Variants in BACE2 observed in about 807,000 individuals in gnomAD.
BACE2 encodes beta-secretase 2.
Under a neutral mutation model 46.2 loss-of-function variants are expected in BACE2, and 17 were observed. The observed-to-expected ratio is 0.37, with a 90% confidence interval of 0.25 to 0.55. The LOEUF is 0.55. BACE2 is among the 20% of genes least tolerant of loss of function. The pLI, the probability that BACE2 is intolerant of heterozygous loss-of-function variation, is 0.82. For synonymous variants in BACE2, 277 were observed against 295.9 expected, an observed-to-expected ratio of 0.94 and a Z score of 0.66; for missense variants, 595 against 698.1, an observed-to-expected ratio of 0.85 and a Z score of 1.66.
chr21:41,178,806 CAG>C (rs544147163), intron 1 of BACE2: 2 of 227,430 alleles, frequency 8.8e-6, no homozygotes, highest in East Asian at 1.1e-4. Context: ...GTCAACTAGA[CAG>C]AGAGAGTCTT....
chr21:41,249,457 G>A (rs1987575755), intron 6 of BACE2, among the ~76,000 whole-genome samples: 1 of 152,212 alleles, frequency 6.6e-6, no homozygotes, highest in Admixed American at 6.5e-5. Flanking sequence ...TCGATGTGCT[G>A]CAGAGCTCAG....
At chr21:41,235,301 C>T (rs1987084754) in intron 2 of BACE2, among the ~76,000 whole-genome samples, 1 of 152,114 alleles carries the variant, frequency 6.6e-6, no homozygotes, top group Non-Finnish European at 1.5e-5. Flanking sequence ...AAACATTTTT[C>T]CCTTGGCACA....
At chr21:41,265,666 T>C (rs1459479312) in intron 8 of BACE2, among the ~76,000 whole-genome samples, 1 of 152,238 alleles carries the variant, frequency 6.6e-6, no homozygotes, top group African/African-American at 2.4e-5. Context: ...TTTGTATTAA[T>C]TTGTAGGAAC....
chr21:41,222,139 G>C (rs1232531293), intron 1 of BACE2, among the ~76,000 whole-genome samples: 1 of 152,228 alleles, frequency 6.6e-6, no homozygotes, highest in East Asian at 1.9e-4. Context: ...TTGCATCTGT[G>C]ACGTGGAGTG....
chr21:41,184,952 T>G (rs1985317067), intron 1 of BACE2: 1 of 167,060 alleles, frequency 6.0e-6, no homozygotes, highest in Non-Finnish European at 1.5e-5. Context: ...GCCAGATATA[T>G]TCGTCATCTA....
intron 7 of BACE2, among the ~76,000 whole-genome samples, chr21:41,255,929 C>T (rs1987774956): frequency 6.6e-6 from 1 of 152,300 alleles, no homozygotes; most frequent in South Asian, 2.1e-4. Context: ...AAATATATTT[C>T]CTTTTCATAT....
At chr21:41,186,874 A>G (rs921936808) in intron 1 of BACE2, 2 of 152,228 alleles carry the variant, frequency 1.3e-5, no homozygotes, top group African/African-American at 4.8e-5. Flanking sequence ...TACTTCTAGG[A>G]TGAGGGTGGT....
chr21:41,269,526 C>T (rs2088414601), intron 8 of BACE2, among the ~76,000 whole-genome samples: 1 of 152,154 alleles, frequency 6.6e-6, no homozygotes, highest in Admixed American at 6.5e-5. Flanking sequence ...CCCAGGAAAC[C>T]ACTGACGTGC....
chr21:41,227,195 G>T (rs1986844530), intron 2 of BACE2, among the ~76,000 whole-genome samples: 1 of 152,194 alleles, frequency 6.6e-6, no homozygotes, highest in African/African-American at 2.4e-5. Flanking sequence ...AGACAGCCAG[G>T]TAAATTTAAA....
Position 41,223,579 on chromosome 21 carries a change from G to A in BACE2, c.313-2687G>A, listed in dbSNP as rs56828093. Among the ~76,000 whole-genome samples, 495 of 152,220 alleles carry A rather than the reference G, an allele frequency of 3.3e-3. 1 individual carries two copies. Among genetic ancestry groups the A allele is most frequent in the African/African-American group, 0.011 (457 of 41,546 alleles). On this transcript the variant is annotated intron_variant, in intron 1 of 8. Transcript: ENST00000330333. Reference sequence around the variant, plus strand: ...GGCACCCCCCGTGTGTCTGCTTTCCGTGCATTTTCGTCTCCCTGGAAGGAC... The same window carrying A: ...GGCACCCCCCGTGTGTCTGCTTTCCATGCATTTTCGTCTCCCTGGAAGGAC...
intron 6 of BACE2, among the ~76,000 whole-genome samples, chr21:41,248,796 C>T (rs1346215279): frequency 2.0e-5 from 3 of 152,186 alleles, no homozygotes; most frequent in Non-Finnish European, 4.4e-5. Flanking sequence ...GCGTGGACAT[C>T]GGCAGATGCA....
rs34474586 is a variant in BACE2 at position 41,238,954 on chromosome 21, TAAA to T, written c.618+1248_618+1250del. Among the ~76,000 whole-genome samples the T allele has an allele frequency of 4.2e-3, 359 of 85,700 alleles. 1 individual carries two copies. Among genetic ancestry groups the T allele is most frequent in the African/African-American group, 0.015 (320 of 21,942 alleles). 56.2% of individuals were successfully genotyped at this position (85,700 alleles called of 152,430 possible). On this transcript the variant is annotated intron_variant, in intron 3 of 8. Transcript: ENST00000330333. ...TGTACCCTAAAACTTAAAGTATAAT[TAAA>T]AAAAAAAAAAAAAAAAAAAAAAGAA...
At chr21:41,183,588 A>G (rs1985230094) in intron 1 of BACE2, 1 of 167,128 alleles carries the variant, frequency 6.0e-6, no homozygotes, top group Admixed American at 6.5e-5. Context: ...AAGGGGAGGA[A>G]GCAAACTGCA....
intron 1 of BACE2, among the ~76,000 whole-genome samples, chr21:41,199,483 G>T (rs977430426): frequency 5.9e-5 from 9 of 152,176 alleles, no homozygotes; most frequent in African/African-American, 1.9e-4. Context: ...TCTTGTCTGG[G>T]TGCCCCGGGG....
intron 1 of BACE2, among the ~76,000 whole-genome samples, chr21:41,171,724 G>A (rs548886464): frequency 3.3e-5 from 5 of 152,324 alleles, no homozygotes; most frequent in Admixed American, 1.3e-4. Flanking sequence ...GCTGAAGACA[G>A]GAGAAGGTGT....
At chr21:41,179,832 G>T in intron 1 of BACE2, 1 of 422,182 alleles carries the variant, frequency 2.4e-6, no homozygotes, top group Non-Finnish European at 4.5e-6. Context: ...CTCCAGAAAT[G>T]TCCCTGACAC....
intron 7 of BACE2, among the ~76,000 whole-genome samples, chr21:41,256,210 A>C (rs1987783837): frequency 2.0e-5 from 3 of 152,104 alleles, no homozygotes; most frequent in Admixed American, 6.5e-5. Flanking sequence ...CACCTGCATT[A>C]GGTATTTCTC....
intron 8 of BACE2, among the ~76,000 whole-genome samples, chr21:41,257,891 C>T (rs1987833915): frequency 6.6e-6 from 1 of 152,130 alleles, no homozygotes; most frequent in South Asian, 2.1e-4. Flanking sequence ...ATGAGAAAGT[C>T]AAGAGGATAG....
rs1399388467 is a variant in BACE2, at chr21:41,277,495, C to A, written c.*1871C>A. 6.6e-6 allele frequency: 1 copy of A among 152,240 alleles called. No individual in the cohort carries two copies. The highest frequency in any genetic ancestry group is 2.4e-5 in the African/African-American group (1 of 41,448). 9.4% of individuals were successfully genotyped at this position (152,240 alleles called of 1,614,324 possible). A position where few individuals can be genotyped will look rare whatever the true frequency, so the allele number is the denominator to read the frequency against. The stretch of plus-strand genomic sequence containing the variant: ...TTCACACGGAGAGATGTCTGGAAGT[C>A]CAATTCTCATCCCATTGGCTTTTTC... On this transcript the variant is annotated 3_prime_UTR_variant, in exon 9 of 9. Transcript: ENST00000330333.
Sources: allele counts gnomAD v4.1 joint callset (sites outside exome capture counted in the v4.1 genomes callset), GRCh38; gene constraint gnomAD v4.1.1; transcripts MANE v1.5; gene names NCBI Gene and HGNC (gene_info 2026-07-23, HGNC 2026-07-21).